TTC28: variants seen among roughly 807,000 people sequenced by gnomAD.
The protein encoded by TTC28 is tetratricopeptide repeat domain 28.
TTC28 carries 61 observed loss-of-function variants against 198.0 expected under a neutral mutation model. The ratio of observed to expected loss-of-function variants is 0.31; its 90% CI spans 0.25 to 0.38. The LOEUF (loss-of-function observed/expected upper bound fraction) is 0.38. TTC28 is among the 10% of genes least tolerant of loss of function. TTC28 has a pLI of 1.00. For missense variants in TTC28, 2,678 were observed against 3,164.0 expected (o/e 0.85, Z 3.69); for synonymous variants, 1,171 against 1,297.8 (o/e 0.90, Z 2.10).
chr22:28,566,655 C>T (rs1002586475), intron 2 of TTC28, among the ~76,000 whole-genome samples: 5 of 151,922 alleles, frequency 3.3e-5, no homozygotes, highest in Non-Finnish European at 1.5e-5. Context: ...CATTAATATC[C>T]TCAGATAAGA....
intron 2 of TTC28, among the ~76,000 whole-genome samples, chr22:28,620,033 G>T (rs184873872): frequency 6.6e-6 from 1 of 152,190 alleles, no homozygotes; most frequent in Non-Finnish European, 1.5e-5. Context: ...TAATTGAAGA[G>T]GATCAACAAC....
chr22:28,100,981 CAT>C (rs890288991), intron 9 of TTC28, among the ~76,000 whole-genome samples, 188 bp downstream of exon 9: 10 of 152,212 alleles, frequency 6.6e-5, no homozygotes, highest in East Asian at 3.8e-4. Context: ...AAATCTATCA[CAT>C]GAGTGAGCAA....
At chr22:28,584,154 T>C (rs927143506) in intron 2 of TTC28, among the ~76,000 whole-genome samples, 4 of 152,090 alleles carry the variant, frequency 2.6e-5, no homozygotes, top group African/African-American at 9.7e-5. Flanking sequence ...AGACCATGTT[T>C]TTTTCTTCTG....
chr22:28,264,719 T>C (rs1931563955), intron 5 of TTC28, among the ~76,000 whole-genome samples: 1 of 152,102 alleles, frequency 6.6e-6, no homozygotes, highest in Non-Finnish European at 1.5e-5. Flanking sequence ...GGTTTCTGCA[T>C]GGAGCATCAA....
At chr22:28,618,499 T>C (rs945131905) in intron 2 of TTC28, among the ~76,000 whole-genome samples, 5 of 151,848 alleles carry the variant, frequency 3.3e-5, no homozygotes, top group Admixed American at 6.6e-5. Flanking sequence ...CTGGCCAACA[T>C]AGTGAAACCC....
chr22:28,354,245 A>G (rs1484507223), intron 2 of TTC28, among the ~76,000 whole-genome samples: 1 of 152,234 alleles, frequency 6.6e-6, no homozygotes, highest in Admixed American at 6.5e-5. Context: ...TAATAGCATT[A>G]TTCACAATAG....
chr22:28,098,844 T>C (rs893141213), intron 10 of TTC28, 71 bp downstream of exon 10: 50 of 1,504,886 alleles, frequency 3.3e-5, no homozygotes, highest in East Asian at 9.9e-5. Flanking sequence ...ACTAAACAAC[T>C]TGGACACATG....
chr22:28,479,714 C>T (rs1267500237), intron 2 of TTC28, among the ~76,000 whole-genome samples: 3 of 152,046 alleles, frequency 2.0e-5, no homozygotes, highest in Non-Finnish European at 2.9e-5. Flanking sequence ...CTGATACTAA[C>T]CTCAAAATAA....
intron 2 of TTC28, among the ~76,000 whole-genome samples, chr22:28,332,896 A>G (rs1569265391): frequency 6.6e-6 from 1 of 152,130 alleles, no homozygotes; most frequent in Non-Finnish European, 1.5e-5. Flanking sequence ...GCTGGAAATA[A>G]GACCAATAGT....
chr22:28,570,522 GAAC>G (rs2050043512), intron 2 of TTC28, among the ~76,000 whole-genome samples: 1 of 152,112 alleles, frequency 6.6e-6, no homozygotes, highest in Admixed American at 6.5e-5. Context: ...ACAAAGAAGG[GAAC>G]AACAGACACT....
chr22:28,161,607 T>C (rs1270668355), intron 6 of TTC28, among the ~76,000 whole-genome samples: 4 of 151,166 alleles, frequency 2.6e-5, no homozygotes, highest in East Asian at 1.9e-4. Flanking sequence ...TGAGCCATGA[T>C]TGCACCACTA....
Position 27,978,347 on chromosome 22 carries a change from C to A in TTC28, c.*3874G>T, listed in dbSNP as rs1434432737. On this transcript the variant is annotated 3_prime_UTR_variant, in exon 23 of 23. Transcript: ENST00000397906. ...ACAGGTACACTCATTTTAGATAGAACAGCAGAATAGGTGATGAAAATTATA... is the reference window on the plus strand; with the variant it reads ...ACAGGTACACTCATTTTAGATAGAAAAGCAGAATAGGTGATGAAAATTATA... 2.0e-5 allele frequency: 3 copies of A among 152,344 alleles called. No homozygotes were observed. Among genetic ancestry groups the A allele is most frequent in the African/African-American group, 7.2e-5 (3 of 41,582 alleles). 9.4% of individuals were successfully genotyped at this position (152,344 alleles called of 1,614,324 possible).
At chr22:28,220,937 T>A (rs1927806231) in intron 5 of TTC28, among the ~76,000 whole-genome samples, 1 of 152,038 alleles carries the variant, frequency 6.6e-6, no homozygotes, top group Non-Finnish European at 1.5e-5. Flanking sequence ...AGAGAAGGAA[T>A]ACAGGCCTAG....
intron 12 of TTC28, among the ~76,000 whole-genome samples, chr22:28,083,922 G>A (rs1226444732): frequency 2.0e-5 from 3 of 152,260 alleles, no homozygotes; most frequent in Non-Finnish European, 4.4e-5. Context: ...TGCTAGCACA[G>A]CAGTCTGAGA....
Position 28,513,255 on chromosome 22 carries a change from C to T in TTC28, c.381+116297G>A, listed in dbSNP as rs186061682. On this transcript the variant is annotated intron_variant, in intron 2 of 22. Coordinates refer to ENST00000397906, the MANE Select transcript of TTC28 (RefSeq NM_001145418.2). ...TATTAGCTCTTGCTTTATACCTATA[C>T]GAGTCATGCCCAAATGCAGAATGAA... Among the ~76,000 whole-genome samples, 10 of 152,188 alleles carry T rather than the reference C, an allele frequency of 6.6e-5. No homozygotes were observed. The East Asian group carries it at 1.4e-3, about 21-fold the overall frequency.
chr22:28,372,428 C>G (rs1201453403), intron 2 of TTC28, among the ~76,000 whole-genome samples: 2 of 152,034 alleles, frequency 1.3e-5, no homozygotes, highest in African/African-American at 4.8e-5. Context: ...TTCACTCACC[C>G]ACATGGCAAT....
intron 6 of TTC28, among the ~76,000 whole-genome samples, chr22:28,160,663 T>C (rs1345951805): frequency 2.6e-5 from 4 of 152,224 alleles, no homozygotes; most frequent in Non-Finnish European, 5.9e-5. Context: ...TGTTTATGTA[T>C]ATAGTAAAAA....
chr22:28,263,027 A>T (rs1469956084), intron 5 of TTC28, among the ~76,000 whole-genome samples: 1 of 152,196 alleles, frequency 6.6e-6, no homozygotes, highest in Admixed American at 6.6e-5. Context: ...CCAAGAAGGC[A>T]GTCTGGAAGA....
intron 2 of TTC28, among the ~76,000 whole-genome samples, chr22:28,345,509 C>G (rs1165496088): frequency 6.6e-6 from 1 of 152,118 alleles, no homozygotes; most frequent in African/African-American, 2.4e-5. Flanking sequence ...CTGCGATGAC[C>G]TTTTATGGAT....
Sources: allele counts gnomAD v4.1 joint callset (sites outside exome capture counted in the v4.1 genomes callset), GRCh38; gene constraint gnomAD v4.1.1; transcripts MANE v1.5; gene names NCBI Gene and HGNC (gene_info 2026-07-23, HGNC 2026-07-21).